KAZN: variants seen among roughly 807,000 people sequenced by gnomAD.
The protein encoded by KAZN is kazrin, periplakin interacting protein.
Under a neutral mutation model 87.4 loss-of-function variants are expected in KAZN, and 40 were observed. The observed-to-expected ratio is 0.46, with a 90% CI of 0.36 to 0.60. The LOEUF (loss-of-function observed/expected upper bound fraction) is 0.60, where lower values mean the gene tolerates loss of function less well. KAZN is among the 20% of genes least tolerant of loss of function. The probability of loss-of-function intolerance (pLI) is 0.00; values close to 1 mark genes in which losing one functional copy is unlikely to be tolerated. For synonymous variants in KAZN, 466 were observed against 458.3 expected, an observed-to-expected ratio of 1.02 and a Z score of -0.22; for missense variants, 898 against 1,073.9, an observed-to-expected ratio of 0.84 and a Z score of 2.29.
intron 1 of KAZN, among the ~76,000 whole-genome samples, chr1:14,685,216 T>A (rs1198064980): frequency 6.6e-6 from 1 of 152,192 alleles, no homozygotes; most frequent in Non-Finnish European, 1.5e-5. Context: ...ACTGGGAGAA[T>A]GGAGCTTAAT....
In KAZN at chr1:14,734,497, G is replaced by T. The variant is rs151238270; in HGVS notation, c.226+135274G>T. Among the ~76,000 whole-genome samples the T allele has an allele frequency of 6.5e-3, 984 of 152,038 alleles. 10 individuals carry two copies. Among genetic ancestry groups the T allele is most frequent in the African/African-American group, 0.023 (942 of 41,446 alleles). On this transcript the variant is annotated intron_variant, in intron 1 of 14. Coordinates refer to ENST00000376030, the MANE Select transcript of KAZN (RefSeq NM_201628.3). Reference sequence around the variant, plus strand: ...TTTTTTTTAATTATTATTTTTAGTAGAGACGGGGTTTCTCCATGTTGGTCA... The same window carrying T: ...TTTTTTTTAATTATTATTTTTAGTATAGACGGGGTTTCTCCATGTTGGTCA...
At chr1:14,014,135 T>C (rs987875859) in intron 1 of KAZN, among the ~76,000 whole-genome samples, 2 of 152,110 alleles carry the variant, frequency 1.3e-5, no homozygotes, top group African/African-American at 4.8e-5. Context: ...ATTGATGATT[T>C]TTTTTCGCTA....
chr1:14,296,054 G>C (rs140461612), intron 2 of KAZN, among the ~76,000 whole-genome samples: 1 of 152,194 alleles, frequency 6.6e-6, no homozygotes, highest in African/African-American at 2.4e-5. Context: ...TACCTCATAG[G>C]GTTGCCATAA....
At chr1:14,142,770 T>C (rs895196064) in intron 1 of KAZN, among the ~76,000 whole-genome samples, 1 of 152,188 alleles carries the variant, frequency 6.6e-6, no homozygotes, top group African/African-American at 2.4e-5. Flanking sequence ...TTTAAGATGG[T>C]ACAATCCCTT....
intron 1 of KAZN, among the ~76,000 whole-genome samples, chr1:14,107,035 C>T (rs1644391379): frequency 8.3e-6 from 1 of 120,448 alleles, no homozygotes. Context: ...CCCTCCCTCC[C>T]TCCCTTCCTT....
At chr1:14,401,156 CTT>C (rs368994622) in intron 2 of KAZN, among the ~76,000 whole-genome samples, 10 of 152,106 alleles carry the variant, frequency 6.6e-5, no homozygotes, top group African/African-American at 2.4e-4. Context: ...AGTGATGACA[CTT>C]GAGTGATTTT....
At chr1:14,502,092 T>TA (rs911542146) in intron 2 of KAZN, among the ~76,000 whole-genome samples, 1 of 152,126 alleles carries the variant, frequency 6.6e-6, no homozygotes, top group Admixed American at 6.5e-5. Context: ...CTGTAGACTT[T>TA]AAAAAAGGTA....
chr1:14,519,666 A>G (rs1420327604), intron 2 of KAZN, among the ~76,000 whole-genome samples: 2 of 152,174 alleles, frequency 1.3e-5, no homozygotes, highest in Non-Finnish European at 2.9e-5. Flanking sequence ...TGGAGGGAAG[A>G]AAAGAGAGTA....
chr1:13,989,378 A>T (rs1000317052), intron 1 of KAZN, among the ~76,000 whole-genome samples: 18 of 152,154 alleles, frequency 1.2e-4, no homozygotes, highest in Non-Finnish European at 2.9e-5. Flanking sequence ...CAAAGCCCTA[A>T]ACCTGGAGGG....
chr1:14,578,289 C>T (rs1035973024), intron 2 of KAZN, among the ~76,000 whole-genome samples: 8 of 152,070 alleles, frequency 5.3e-5, no homozygotes, highest in African/African-American at 1.9e-4. Context: ...TCTCCCCTGC[C>T]TTACACTAGC....
At chr1:14,005,228 G>C (rs868748848) in intron 1 of KAZN, among the ~76,000 whole-genome samples, 1 of 152,186 alleles carries the variant, frequency 6.6e-6, no homozygotes, top group African/African-American at 2.4e-5. Flanking sequence ...GATGTGGAGA[G>C]AGAGTTAGGT....
chr1:14,156,983 C>T (rs1356815149), intron 1 of KAZN, among the ~76,000 whole-genome samples: 1 of 136,866 alleles, frequency 7.3e-6, no homozygotes, highest in Non-Finnish European at 1.6e-5. Context: ...TCATTTTTTG[C>T]TTTTTATTTT....
intron 1 of KAZN, among the ~76,000 whole-genome samples, chr1:13,960,604 G>C (rs1304040048): frequency 2.0e-5 from 3 of 152,308 alleles, no homozygotes; most frequent in African/African-American, 7.2e-5. Context: ...TGGCATGAAT[G>C]CATCACATTG....
At chr1:14,089,228 G>A (rs1019346932) in intron 1 of KAZN, among the ~76,000 whole-genome samples, 3 of 151,690 alleles carry the variant, frequency 2.0e-5, no homozygotes, top group Non-Finnish European at 2.9e-5. Flanking sequence ...GGGTCTTGCC[G>A]TTTTATCCAA....
chr1:14,085,992 A>G (rs77443527), intron 1 of KAZN, among the ~76,000 whole-genome samples: 108 of 152,186 alleles, frequency 7.1e-4, no homozygotes, highest in African/African-American at 2.6e-3. Context: ...TCTAATGATT[A>G]TTGTTGTTCA....
intron 1 of KAZN, among the ~76,000 whole-genome samples, chr1:13,983,911 G>A (rs745365579): frequency 7.9e-5 from 12 of 152,124 alleles, no homozygotes; most frequent in Non-Finnish European, 1.6e-4. Flanking sequence ...AAAGGGGGAG[G>A]TTCTTATACT....
intron 1 of KAZN, among the ~76,000 whole-genome samples, chr1:14,041,401 C>T (rs2101401084): frequency 6.6e-6 from 1 of 152,080 alleles, no homozygotes; most frequent in South Asian, 2.1e-4. Flanking sequence ...CTTATAAAAT[C>T]TTCATTTTCC....
At chr1:14,672,456 A>G (rs1278126075) in intron 1 of KAZN, among the ~76,000 whole-genome samples, 1 of 152,200 alleles carries the variant, frequency 6.6e-6, no homozygotes, top group Admixed American at 6.5e-5. Flanking sequence ...ATTCCATAAC[A>G]GTCTGGCTCT....
At chr1:14,416,254 T>G (rs1328887986) in intron 2 of KAZN, among the ~76,000 whole-genome samples, 2 of 152,280 alleles carry the variant, frequency 1.3e-5, no homozygotes, top group Non-Finnish European at 2.9e-5. Context: ...GGACCATCAT[T>G]TATATGCATT....
Sources: gnomAD v4.1 joint callset for allele counts (sites outside exome capture counted in the v4.1 genomes callset) on GRCh38, gnomAD v4.1.1 for gene constraint, MANE v1.5 for transcripts, NCBI Gene and HGNC (gene_info 2026-07-23, HGNC 2026-07-21) for gene names.